CERS6: variants seen among roughly 807,000 people sequenced by gnomAD.
CERS6 encodes the protein LAG1 homolog, ceramide synthase 6.
CERS6 carries 26 observed loss-of-function variants against 56.8 expected under a neutral mutation model. The observed-to-expected ratio is 0.46, with a 90% CI of 0.34 to 0.63. The LOEUF (loss-of-function observed/expected upper bound fraction) is 0.63. Among genes scored for constraint, CERS6 ranks in the 30% least tolerant of loss-of-function variants. The pLI, the probability that CERS6 is intolerant of heterozygous loss-of-function variation, is 0.01. For synonymous variants in CERS6, 164 were observed against 173.3 expected (o/e 0.95, Z 0.42); for missense variants, 415 against 467.5 (o/e 0.89, Z 1.04).
chr2:168,749,917 G>T (rs1684213320), intron 8 of CERS6, among the ~76,000 whole-genome samples: 1 of 152,214 alleles, frequency 6.6e-6, no homozygotes, highest in Admixed American at 6.5e-5. Flanking sequence ...GCAGCTCAGG[G>T]CAGTTTTGCA....
Position 168,722,216 on chromosome 2 carries a change from A to G in CERS6, c.845+4238A>G, listed in dbSNP as rs144999303. On this transcript the variant is annotated intron_variant, in intron 8 of 9. Transcript: ENST00000305747. The stretch of plus-strand genomic sequence containing the variant: ...GGACTTATCCGATATATAATTTGCA[A>G]ATGTTTTCTCCCTTACTGAGGGTTG... 7.6e-3 allele frequency among the ~76,000 whole-genome samples: 1,164 copies of G among 152,264 alleles called. 17 individuals are homozygous for G. Among genetic ancestry groups the G allele is most frequent in the African/African-American group, 0.026 (1,066 of 41,536 alleles).
chr2:168,555,722 CTGTG>C (rs58781728), intron 2 of CERS6, among the ~76,000 whole-genome samples: 5,613 of 140,930 alleles, frequency 0.04, 136 homozygotes, highest in African/African-American at 0.06. Context: ...ATAATTGACT[CTGTG>C]TGTGTGTGTG....
At chr2:168,758,923 T>G (rs16855784) in intron 8 of CERS6, among the ~76,000 whole-genome samples, 2,031 of 152,282 alleles carry the variant, frequency 0.013, 58 homozygotes, top group African/African-American at 0.046. Flanking sequence ...AGTATCTTCT[T>G]TAAGACTCCC....
intron 1 of CERS6, among the ~76,000 whole-genome samples, chr2:168,513,412 C>T (rs1229863179): frequency 6.6e-6 from 1 of 152,158 alleles, no homozygotes; most frequent in Admixed American, 6.5e-5. Flanking sequence ...GTCACATCAT[C>T]TTAGGCTCCT....
intron 6 of CERS6, among the ~76,000 whole-genome samples, chr2:168,705,120 C>T (rs1686906213): frequency 6.6e-6 from 1 of 152,146 alleles, no homozygotes; most frequent in Non-Finnish European, 1.5e-5. Flanking sequence ...TGGCTTAGCC[C>T]GTCCTTACTG....
chr2:168,550,415 C>T (rs146702948), intron 2 of CERS6, among the ~76,000 whole-genome samples: 1 of 152,270 alleles, frequency 6.6e-6, no homozygotes, highest in East Asian at 1.9e-4. Context: ...GGGCTTCAAG[C>T]AATCCTCCTG....
At chr2:168,577,240 G>A (rs1683297013) in intron 3 of CERS6, among the ~76,000 whole-genome samples, 1 of 152,176 alleles carries the variant, frequency 6.6e-6, no homozygotes, top group African/African-American at 2.4e-5. Flanking sequence ...GATAAAGGAG[G>A]CTGTGAAGGA....
At position 168,657,739 on chromosome 2, in the gene CERS6, G is replaced by A. The variant is rs571437002; in HGVS notation, c.465+26697G>A. On this transcript the variant is annotated intron_variant, in intron 4 of 9. Coordinates refer to ENST00000305747, the MANE Select transcript of CERS6 (RefSeq NM_203463.3). ...GGCAGGCTGGCTGCTCCGAGTGCGGGGCCCACCAAGCCCACGCCCACCCGG... is the reference window on the plus strand; with the variant it reads ...GGCAGGCTGGCTGCTCCGAGTGCGGAGCCCACCAAGCCCACGCCCACCCGG... 3.3e-4 allele frequency among the ~76,000 whole-genome samples: 51 copies of A among 152,320 alleles called. No homozygotes were observed. The East Asian group carries it at 4.6e-3, about 14-fold the overall frequency.
chr2:168,752,322 G>T (rs528924269), intron 8 of CERS6, among the ~76,000 whole-genome samples: 79 of 85,414 alleles, frequency 9.2e-4, no homozygotes, highest in Admixed American at 1.7e-3. Flanking sequence ...TGTGTGTATA[G>T]AGAGAGAGAG....
At chr2:168,675,036 C>T (rs1194031996) in intron 4 of CERS6, among the ~76,000 whole-genome samples, 1 of 151,672 alleles carries the variant, frequency 6.6e-6, no homozygotes, top group Non-Finnish European at 1.5e-5. Context: ...AGTGCAGTGG[C>T]GTAATCGGCT....
chr2:168,738,841 G>A (rs531052053), intron 8 of CERS6, among the ~76,000 whole-genome samples: 4 of 152,224 alleles, frequency 2.6e-5, no homozygotes, highest in African/African-American at 7.2e-5. Flanking sequence ...GCCAGAAGTG[G>A]TAAACAGCAG....
chr2:168,670,324 C>T (rs1410683420), intron 4 of CERS6, among the ~76,000 whole-genome samples: 1 of 152,074 alleles, frequency 6.6e-6, no homozygotes, highest in African/African-American at 2.4e-5. Context: ...CAGAGAATAC[C>T]AGCCTCGTGA....
chr2:168,517,450 C>A (rs562178649), intron 1 of CERS6, among the ~76,000 whole-genome samples: 1 of 151,774 alleles, frequency 6.6e-6, no homozygotes, highest in East Asian at 1.9e-4. Flanking sequence ...CGAGATCATG[C>A]CACTGCACTC....
intron 3 of CERS6, among the ~76,000 whole-genome samples, chr2:168,616,708 C>G (rs373232520): frequency 1.3e-5 from 2 of 152,120 alleles, no homozygotes; most frequent in East Asian, 3.9e-4. Context: ...TATTTATGCA[C>G]CTTACACTGG....
chr2:168,650,911 G>A (rs1685327114), intron 4 of CERS6, among the ~76,000 whole-genome samples: 1 of 151,920 alleles, frequency 6.6e-6, no homozygotes, highest in African/African-American at 2.4e-5. Flanking sequence ...GAACAATATA[G>A]AAGTAAAAAG....
At chr2:168,670,966 TCCC>T (rs35335379) in intron 4 of CERS6, among the ~76,000 whole-genome samples, 30 of 30,562 alleles carry the variant, frequency 9.8e-4, no homozygotes, top group East Asian at 4.5e-3. Flanking sequence ...GATACATGCT[TCCC>T]CCCCCCCCCC....
chr2:168,751,530 T>C (rs908369385), intron 8 of CERS6, among the ~76,000 whole-genome samples: 1 of 152,232 alleles, frequency 6.6e-6, no homozygotes, highest in Non-Finnish European at 1.5e-5. Flanking sequence ...GCAGTATTTT[T>C]TTTTTAAAGA....
chr2:168,634,992 T>C (rs1684830595), intron 4 of CERS6, among the ~76,000 whole-genome samples: 1 of 152,212 alleles, frequency 6.6e-6, no homozygotes, highest in Non-Finnish European at 1.5e-5. Context: ...CTCCTCCTGA[T>C]TTTTGAAAAA....
At chr2:168,504,529 G>A (rs1694641525) in intron 1 of CERS6, among the ~76,000 whole-genome samples, 1 of 152,148 alleles carries the variant, frequency 6.6e-6, no homozygotes. Context: ...GCCTTTCCAC[G>A]TGAAGGCAAA....
Sources: gnomAD v4.1 joint callset for allele counts (sites outside exome capture counted in the v4.1 genomes callset) on GRCh38, gnomAD v4.1.1 for gene constraint, MANE v1.5 for transcripts, NCBI Gene and HGNC (gene_info 2026-07-23, HGNC 2026-07-21) for gene names.